The following CD248 variants were observed in gnomAD, a reference collection of about 807,000 sequenced individuals.
The protein encoded by CD248 is endosialin.
In CD248, 7 loss-of-function variants were observed where a neutral mutation model predicts 8.0. The observed-to-expected ratio is 0.88, with a 90% CI of 0.50 to 1.64. The LOEUF (loss-of-function observed/expected upper bound fraction) is 1.64. Among genes scored for constraint, CD248 ranks in the 40% most tolerant of loss-of-function variants. The pLI is 0.00. For synonymous variants in CD248, 418 were observed against 437.1 expected (o/e 0.96, Z 0.54); for missense variants, 912 against 1,027.2 (o/e 0.89, Z 1.53).
rs199998809 is a variant in CD248 at position 66,315,463 on chromosome 11, G to A, written c.1565C>T (p.Pro522Leu). 253 of 1,613,836 alleles carry A rather than the reference G, an allele frequency of 1.6e-4. 1 individual carries two copies. The South Asian group carries it at 2.5e-3, about 16-fold the overall frequency. Residue 522 changes from proline to leucine, a missense_variant, in exon 1 of 1, where the codon CCG (proline) becomes CTG (leucine). This residue lies in a region of CD248 where 507 missense variants were observed against 562.2 expected (regional missense o/e 0.90). Transcript: ENST00000311330. The surrounding 1 kb of genome is among the most constrained non-coding windows in gnomAD (Gnocchi z 4.3). ...GGACTGGTGGGCAGGGAAGAGCTCCGGATATTTGGTTGAGATCATAGGGGG... is the reference window on the plus strand; with the variant it reads ...GGACTGGTGGGCAGGGAAGAGCTCCAGATATTTGGTTGAGATCATAGGGGG... ...HQPPMISTKY[P>L]ELFPAHQSPM...
rs369400108 is a variant in CD248 at position 66,316,337 on chromosome 11, G to A, written c.691C>T (p.Leu231=). 1.2e-6 allele frequency: 2 copies of A among 1,612,770 alleles called. No homozygotes were observed. The highest frequency in any genetic ancestry group is 1.3e-5 in the African/African-American group (1 of 74,946). The change falls in exon 1 of 1, where the codon CTG becomes TTG. Residue 231 remains leucine, a synonymous_variant. Transcript: ENST00000311330. The part of the protein sequence containing the change: ...VGWSRAGPLC[L]GTGCSPDNGG... ...TTGTCAGGGCTGCAGCCAGTCCCCA[G>A]GCACAGGGGCCCAGCCCGTGACCAG...
rs372417843 is a variant in CD248, at chr11:66,314,850, A to G, written c.2178T>C (p.Tyr726=). ...HAPNKRITDC[Y]RWVIHAGSKS... ...TGCTCCCAGCATGGATGACCCAGCG[A>G]TAGCAGTCAGTGATGCGCTTGTTGG... The change falls in exon 1 of 1, where the codon TAT becomes TAC. Residue 726 remains tyrosine (Y), a synonymous_variant. Transcript: ENST00000311330. The surrounding 1 kb of genome is among the most constrained non-coding windows in gnomAD (Gnocchi z 4.0). 6.1e-5 allele frequency: 98 copies of G among 1,597,622 alleles called. No individual in the cohort carries two copies. In the Middle Eastern group the frequency reaches 1.3e-3, roughly 22 times the overall value.
rs753040688 is a variant in CD248, at chr11:66,316,233, T to C, written c.795A>G (p.Ala265=). The C allele has an allele frequency of 1.9e-6, 3 of 1,613,504 alleles. No homozygotes were observed. In the Admixed American group the frequency reaches 5.0e-5, roughly 27 times the overall value. Residue 265 remains alanine, a synonymous_variant, in exon 1 of 1, where the codon GCA becomes GCG. Transcript: ENST00000311330. The part of the protein sequence containing the change: ...SCRCTEGFRL[A]ADGRSCEDPC... ...GGTCCTCGCAACTGCGCCCGTCTGC[T>C]GCCAGCCGGAAGCCCTCAGTGCAGC...
In CD248 at chr11:66,316,224, C is replaced by T. The variant is rs967617596; in HGVS notation, c.804G>A (p.Gly268=). ...GGGCACAGGGGTCCTCGCAACTGCGCCCGTCTGCTGCCAGCCGGAAGCCCT... is the reference window on the plus strand; with the variant it reads ...GGGCACAGGGGTCCTCGCAACTGCGTCCGTCTGCTGCCAGCCGGAAGCCCT... The part of the protein sequence containing the change: ...CTEGFRLAAD[G]RSCEDPCAQA... The change falls in exon 1 of 1, where the codon GGG becomes GGA. Residue 268 remains glycine, a synonymous_variant. Coordinates refer to ENST00000311330, the MANE Select transcript of CD248 (RefSeq NM_020404.3). The T allele has an allele frequency of 1.9e-6, 3 of 1,613,326 alleles. No homozygotes were observed. Among genetic ancestry groups the T allele is most frequent in the Non-Finnish European group, 2.5e-6 (3 of 1,179,948 alleles).
In CD248 at chr11:66,314,780, C is replaced by G. The variant is rs768578038; in HGVS notation, c.2248G>C (p.Val750Leu). 53 of 1,552,714 alleles carry G rather than the reference C, an allele frequency of 3.4e-5. 1 individual carries two copies. The South Asian group carries it at 5.6e-4, about 16-fold the overall frequency. The change falls in exon 1 of 1, where the codon GTG (valine) becomes CTG (leucine). Residue 750 changes from valine (V) to leucine (L), a missense_variant. Val to Leu is a conservative substitution (Grantham distance 32). This residue lies in a region of CD248 where 507 missense variants were observed against 562.2 expected (regional missense o/e 0.90). Transcript: ENST00000311330. This position sits in a 1 kb window ranked among gnomAD's most constrained non-coding sequence, Gnocchi z 4.0. ...PMPPRGSLTG[V>L]QTCRTSV The stretch of plus-strand genomic sequence containing the variant: ...CACACGCTGGTTCTGCAGGTCTGCA[C>G]CCCTGTGAGGCTGCCCCTGGGGGGC...
In CD248 at chr11:66,316,515, C is replaced by G; in HGVS notation, c.513G>C (p.Ala171=). ...EGACPALQDE[A]GQAGPAVYTT... ...TATACACGGCTGGGCCGGCCTGGCC[C>G]GCCTCATCTTGCAGCGCCGGGCAGG... The change falls in exon 1 of 1, where the codon GCG becomes GCC. Residue 171 remains alanine (A), a synonymous_variant. Transcript: ENST00000311330. 1 of 1,598,556 alleles carries G rather than the reference C, an allele frequency of 6.3e-7. No individual in the cohort carries two copies. The highest frequency in any genetic ancestry group is 8.5e-7 in the Non-Finnish European group (1 of 1,179,240).
At position 66,316,268 on chromosome 11, in the gene CD248, C is replaced by T. The variant is rs202021533; in HGVS notation, c.760G>A (p.Val254Met). Residue 254 changes from valine (V) to methionine (M), a missense_variant, in exon 1 of 1, where the codon GTG (valine) becomes ATG (methionine). Val to Met is a conservative substitution (Grantham distance 21). This residue lies in a region of CD248 where 403 missense variants were observed against 446.2 expected (regional missense o/e 0.90). Transcript: ENST00000311330. ...AAGCCCTCAGTGCAGCGGCAGGACA[C>T]GTGACCATCCACCTCCTCCACACAT... ...HECVEEVDGH[V>M]SCRCTEGFRL... The T allele has an allele frequency of 3.8e-4, 619 of 1,613,522 alleles. No homozygotes were observed. Among genetic ancestry groups the T allele is most frequent in the Non-Finnish European group, 4.9e-4 (577 of 1,179,930 alleles).
Position 66,314,862 on chromosome 11 carries a change from G to C in CD248, c.2166C>G (p.Ile722Met). Residue 722 changes from isoleucine to methionine, a missense_variant, in exon 1 of 1, where the codon ATC (isoleucine) becomes ATG (methionine). Physicochemically the swap from Ile to Met is conservative, Grantham distance 10. Transcript: ENST00000311330. This position sits in a 1 kb window ranked among gnomAD's most constrained non-coding sequence, Gnocchi z 4.0. ...GGATGACCCAGCGATAGCAGTCAGT[G>C]ATGCGCTTGTTGGGTGCATGGGGGC... ...RCGPHAPNKR[I>M]TDCYRWVIHA... The C allele has an allele frequency of 6.2e-7, 1 of 1,604,092 alleles. No individual in the cohort carries two copies. Among genetic ancestry groups the C allele is most frequent in the East Asian group, 2.3e-5 (1 of 44,430 alleles).
rs143321695 is a variant in CD248, at chr11:66,316,515, C to T, written c.513G>A (p.Ala171=). The part of the protein sequence containing the change: ...EGACPALQDE[A]GQAGPAVYTT... ...TATACACGGCTGGGCCGGCCTGGCC[C>T]GCCTCATCTTGCAGCGCCGGGCAGG... The change falls in exon 1 of 1, where the codon GCG becomes GCA. Residue 171 remains alanine (A), a synonymous_variant. Coordinates refer to ENST00000311330, the MANE Select transcript of CD248 (RefSeq NM_020404.3). 9.5e-5 allele frequency: 152 copies of T among 1,598,556 alleles called. No homozygotes were observed. The African/African-American group carries it at 1.5e-3, about 16-fold the overall frequency.
At position 66,316,442 on chromosome 11, in the gene CD248, C is replaced by G; in HGVS notation, c.586G>C (p.Gly196Arg). 6.2e-7 allele frequency: 1 copy of G among 1,602,048 alleles called. No individual in the cohort carries two copies. The highest frequency in any genetic ancestry group is 8.5e-7 in the Non-Finnish European group (1 of 1,179,738). The part of the protein sequence containing the change: ...VSTEFEWLPF[G>R]SVAAVQCQAG... ...TGGCACTGCACAGCGGCCACAGAGC[C>G]GAAGGGCAGCCACTCAAACTCTGTG... Residue 196 changes from glycine to arginine, a missense_variant, in exon 1 of 1, where the codon GGC becomes CGC. By Grantham distance (125) the Gly-to-Arg change is moderately radical (BLOSUM62 -2). Around this residue, in one of 3 missense-constraint regions of CD248, gnomAD observed 403 missense variants for 446.2 expected, o/e 0.90. Coordinates refer to ENST00000311330, the MANE Select transcript of CD248 (RefSeq NM_020404.3).
chr11:66,315,166 A>T lies in CD248; in HGVS notation c.1862T>A (p.Leu621Gln). The change falls in exon 1 of 1, where the codon CTG becomes CAG. Residue 621 changes from leucine to glutamine, a missense_variant. Coordinates refer to ENST00000311330, the MANE Select transcript of CD248 (RefSeq NM_020404.3). This position sits in a 1 kb window ranked among gnomAD's most constrained non-coding sequence, Gnocchi z 4.3. ...CTGGTTAGTGGGGCTCTGAGAGGGC[A>T]GGAGGGTGGGGAGGGCTGCGGGCTG... ...ATQPAALPTL[L>Q]PSQSPTNQTS... The T allele has an allele frequency of 6.6e-7, 1 of 1,513,454 alleles. No individual in the cohort carries two copies. Among genetic ancestry groups the T allele is most frequent in the Non-Finnish European group, 8.8e-7 (1 of 1,130,000 alleles). 93.8% of individuals were successfully genotyped at this position (1,513,454 alleles called of 1,614,324 possible).
chr11:66,316,787 G>T lies in CD248; in HGVS notation c.241C>A (p.Arg81=), dbSNP rs541032235. 8 of 1,593,906 alleles carry T rather than the reference G, an allele frequency of 5.0e-6. No homozygotes were observed. The highest frequency in any genetic ancestry group is 1.1e-5 in the South Asian group (1 of 90,614). The change falls in exon 1 of 1, where the codon CGG becomes AGG. Residue 81 remains arginine, a synonymous_variant. Transcript: ENST00000311330. ...CGCTGCAGCCCGATCCACAGCAGCC[G>T]GCTGGCTGGGCCCGCACCCACCAGG... The part of the protein sequence containing the change: ...DSLVGAGPAS[R]LLWIGLQRQA...
rs775636142 is a variant in CD248 at position 66,315,835 on chromosome 11, A to G, written c.1193T>C (p.Met398Thr). 2 of 1,613,938 alleles carry G rather than the reference A, an allele frequency of 1.2e-6. No individual in the cohort carries two copies. Among genetic ancestry groups the G allele is most frequent in the South Asian group, 2.2e-5 (2 of 91,090 alleles). Residue 398 changes from methionine to threonine, a missense_variant, in exon 1 of 1, where the codon ATG becomes ACG. This residue lies in a region of CD248 where 507 missense variants were observed against 562.2 expected (regional missense o/e 0.90). Coordinates refer to ENST00000311330, the MANE Select transcript of CD248 (RefSeq NM_020404.3). This position sits in a 1 kb window ranked among gnomAD's most constrained non-coding sequence, Gnocchi z 4.3. ...AAAGTCAGGCGGCTGCGTAGGCTCC[A>G]TCCACAGGATCCCAGGCATCTCCGT... ...GWTEMPGILW[M>T]EPTQPPDFAL...
At position 66,315,364 on chromosome 11, in the gene CD248, G is replaced by T; in HGVS notation, c.1664C>A (p.Ala555Asp). 6.2e-7 allele frequency: 1 copy of T among 1,601,992 alleles called. No homozygotes were observed. The highest frequency in any genetic ancestry group is 2.2e-5 in the East Asian group (1 of 44,752). Reference protein sequence around the residue: ...THLPGIPPNHAPLVTTLGAQL... With the variant: ...THLPGIPPNHDPLVTTLGAQL... ...GGCACCGAGGGTGGTGACCAGAGGG[G>T]CATGGTTAGGTGGGATTCCAGGCAA... Residue 555 changes from alanine (A) to aspartate (D), a missense_variant, in exon 1 of 1, where the codon GCC becomes GAC. Transcript: ENST00000311330. This position sits in a 1 kb window ranked among gnomAD's most constrained non-coding sequence, Gnocchi z 4.3.
At position 66,315,011 on chromosome 11, in the gene CD248, C is replaced by G. The variant is rs1373686504; in HGVS notation, c.2017G>C (p.Glu673Gln). ...TGGCTGTGCTCGGCAAGACCAGCCT[C>G]CCCCAGGGCTGTTGGGGCTGCTGTG... ...APTAAPTALG[E>Q]AGLAEHSQRD... The change falls in exon 1 of 1, where the codon GAG becomes CAG. Residue 673 changes from glutamate (E) to glutamine (Q), a missense_variant. By Grantham distance (29) the Glu-to-Gln change is conservative. Coordinates refer to ENST00000311330, the MANE Select transcript of CD248 (RefSeq NM_020404.3). This position sits in a 1 kb window ranked among gnomAD's most constrained non-coding sequence, Gnocchi z 4.3. 6.2e-7 allele frequency: 1 copy of G among 1,607,136 alleles called. No homozygotes were observed. The highest frequency in any genetic ancestry group is 1.1e-5 in the South Asian group (1 of 90,588).
chr11:66,316,723 C>T lies in CD248; in HGVS notation c.305G>A (p.Gly102Asp). 6.2e-7 allele frequency: 1 copy of T among 1,605,274 alleles called. No individual in the cohort carries two copies. The highest frequency in any genetic ancestry group is 8.5e-7 in the Non-Finnish European group (1 of 1,179,516). ...RQCQLQRPLR[G>D]FTWTTGDQDT... is the part of the protein sequence containing the mutation. ...CTGGTCCCCTGTGGTCCACGTGAAGCCGCGCAGTGGGCGCTGCAGCTGGCA... is the reference window on the plus strand; with the variant it reads ...CTGGTCCCCTGTGGTCCACGTGAAGTCGCGCAGTGGGCGCTGCAGCTGGCA... The change falls in exon 1 of 1, where the codon GGC becomes GAC. Residue 102 changes from glycine to aspartate, a missense_variant. By Grantham distance (94) the Gly-to-Asp change is moderately conservative. Transcript: ENST00000311330.
rs758425526 is a variant in CD248 at position 66,315,770 on chromosome 11, G to A, written c.1258C>T (p.Pro420Ser). ...GTGGGCTCCGGGTAGGGTATCTGTG[G>A]CTCTCTGTCCTCTGGGAAGCTCGGT... ...YRPSFPEDREPQIPYPEPTWP... is the reference protein window; with the variant it reads ...YRPSFPEDRESQIPYPEPTWP... Residue 420 changes from proline (P) to serine (S), a missense_variant, in exon 1 of 1, where the codon CCA becomes TCA. Pro to Ser is a moderately conservative substitution (Grantham distance 74). Coordinates refer to ENST00000311330, the MANE Select transcript of CD248 (RefSeq NM_020404.3). This position sits in a 1 kb window ranked among gnomAD's most constrained non-coding sequence, Gnocchi z 4.3. The A allele has an allele frequency of 5.6e-6, 9 of 1,612,552 alleles. No homozygotes were observed. In the South Asian group the frequency reaches 9.9e-5, roughly 18 times the overall value.
rs1464905610 is a variant in CD248, at chr11:66,314,829, C to T, written c.2199G>A (p.Gly733=). 1.3e-6 allele frequency: 2 copies of T among 1,580,258 alleles called. No homozygotes were observed. The highest frequency in any genetic ancestry group is 1.7e-6 in the Non-Finnish European group (2 of 1,163,596). Residue 733 remains glycine (G), a synonymous_variant, in exon 1 of 1, where the codon GGG becomes GGA. Coordinates refer to ENST00000311330, the MANE Select transcript of CD248 (RefSeq NM_020404.3). The surrounding 1 kb of genome is among the most constrained non-coding windows in gnomAD (Gnocchi z 4.0). ...GCATGGGTTCTGTTGGGCTCTTGCTCCCAGCATGGATGACCCAGCGATAGC... is the reference window on the plus strand; with the variant it reads ...GCATGGGTTCTGTTGGGCTCTTGCTTCCAGCATGGATGACCCAGCGATAGC... ...TDCYRWVIHA[G]SKSPTEPMPP...
chr11:66,315,393 A>G lies in CD248; in HGVS notation c.1635T>C (p.Thr545=), dbSNP rs778318747. ...DTRVAGTQTT[T]HLPGIPPNHA... ...GGTTAGGTGGGATTCCAGGCAAATG[A>G]GTGGTGGTCTGGGTGCCAGCGACCC... is the stretch of plus-strand genomic sequence containing the variant. Residue 545 remains threonine (T), a synonymous_variant, in exon 1 of 1, where the codon ACT becomes ACC. Transcript: ENST00000311330. The surrounding 1 kb of genome is among the most constrained non-coding windows in gnomAD (Gnocchi z 4.3). 6.2e-7 allele frequency: 1 copy of G among 1,610,272 alleles called. No homozygotes were observed. Among genetic ancestry groups the G allele is most frequent in the Admixed American group, 1.7e-5 (1 of 59,842 alleles).
Sources: allele counts gnomAD v4.1 joint callset, GRCh38; gene constraint gnomAD v4.1.1; regional missense constraint gnomAD v4.1.1; non-coding constraint Gnocchi (gnomAD v3.1); transcripts MANE v1.5; gene names NCBI Gene and HGNC (gene_info 2026-07-23, HGNC 2026-07-21).